The following TEKT1 variants were observed in gnomAD, a reference collection of about 807,000 sequenced individuals.
TEKT1 encodes tektin 1.
In TEKT1, 32 loss-of-function variants were observed where a neutral mutation model predicts 34.8. The observed-to-expected ratio is 0.92, with a 90% CI of 0.69 to 1.23. TEKT1 has a LOEUF of 1.23. TEKT1 is among the 50% of genes most tolerant of loss of function. The pLI, the probability that TEKT1 is intolerant of heterozygous loss-of-function variation, is 0.00. For synonymous variants in TEKT1, 207 were observed against 199.8 expected (o/e 1.04, Z -0.30); for missense variants, 492 against 518.5 (o/e 0.95, Z 0.50).
At chr17:6,821,261 G>A (rs191858445) in intron 2 of TEKT1, among the ~76,000 whole-genome samples, 1 of 152,286 alleles carries the variant, frequency 6.6e-6, no homozygotes, top group Non-Finnish European at 1.5e-5. Context: ...GAAGGACTTG[G>A]TGGGAGATAA....
At chr17:6,823,634 G>A (rs1331025470) in intron 2 of TEKT1, among the ~76,000 whole-genome samples, 1 of 152,000 alleles carries the variant, frequency 6.6e-6, no homozygotes, top group African/African-American at 2.4e-5. Flanking sequence ...TTGACACCTT[G>A]TAACTGATTT....
chr17:6,809,676 C>CAGCAATTGCATATTT, intron 6 of TEKT1, among the ~76,000 whole-genome samples: 1 of 152,160 alleles, frequency 6.6e-6, no homozygotes, highest in Admixed American at 6.5e-5. Flanking sequence ...CCCTGACAAC[C>CAGCAATTGCATATTT]GCTGATCTTT....
At chr17:6,822,478 A>G (rs1402267863) in intron 2 of TEKT1, among the ~76,000 whole-genome samples, 2 of 152,048 alleles carry the variant, frequency 1.3e-5, no homozygotes, top group African/African-American at 2.4e-5. Context: ...TTAGTTATTG[A>G]GCCTCCCAGA....
chr17:6,800,650 G>T, intron 7 of TEKT1, 97 bp downstream of exon 7: 1 of 1,398,516 alleles, frequency 7.2e-7, no homozygotes. Context: ...AGAGCAGGCT[G>T]GCTTCATTCA....
chr17:6,826,931 G>A (rs976153909), intron 2 of TEKT1, among the ~76,000 whole-genome samples: 2 of 152,050 alleles, frequency 1.3e-5, no homozygotes, highest in East Asian at 1.9e-4. Flanking sequence ...TCCTGACCTC[G>A]TGATCTGCCC....
In TEKT1 at chr17:6,811,264, T is replaced by C. The variant is rs1466666425; in HGVS notation, c.852+1567A>G. Among the ~76,000 whole-genome samples the C allele has an allele frequency of 6.6e-6, 1 of 152,054 alleles. No homozygotes were observed. The highest frequency in any genetic ancestry group is 6.6e-5 in the Admixed American group (1 of 15,240). The stretch of plus-strand genomic sequence containing the variant: ...CATCATCATCAATCAACTATTTTTA[T>C]TATTTATATGTATGATATTATATGT... On this transcript the variant is annotated intron_variant, in intron 6 of 7. Transcript: ENST00000338694. The surrounding 1 kb of genome is among the most constrained non-coding windows in gnomAD (Gnocchi z 4.4).
intron 3 of TEKT1, among the ~76,000 whole-genome samples, chr17:6,818,597 C>T (rs1018562592): frequency 6.6e-6 from 1 of 152,150 alleles, no homozygotes; most frequent in South Asian, 2.1e-4. Flanking sequence ...TTTGGCTGAG[C>T]ACCTGGCTGC....
intron 2 of TEKT1, among the ~76,000 whole-genome samples, chr17:6,829,736 T>C (rs1293467038): frequency 1.3e-5 from 2 of 152,166 alleles, no homozygotes; most frequent in Admixed American, 1.3e-4. Context: ...ATTGTTTTTA[T>C]TTGTATTCTT....
At chr17:6,824,922 T>C (rs915582776) in intron 2 of TEKT1, among the ~76,000 whole-genome samples, 4 of 152,134 alleles carry the variant, frequency 2.6e-5, no homozygotes, top group African/African-American at 9.7e-5. Flanking sequence ...CCCAAAGAGT[T>C]CTCATGAGAA....
intron 2 of TEKT1, among the ~76,000 whole-genome samples, chr17:6,824,206 G>C (rs1286390678): frequency 6.6e-6 from 1 of 152,002 alleles, no homozygotes; most frequent in African/African-American, 2.4e-5. Flanking sequence ...TCTTCTCTTG[G>C]TCCTCTTCAA....
chr17:6,814,914 G>A, intron 5 of TEKT1: 1 of 431,398 alleles, frequency 2.3e-6, no homozygotes, highest in Non-Finnish European at 4.1e-6. Flanking sequence ...AACATGTATA[G>A]ATGAAGGAAT....
At chr17:6,815,337 C>T in intron 4 of TEKT1, 31 bp from the exon 5 acceptor site, 1 of 1,614,142 alleles carries the variant, frequency 6.2e-7, no homozygotes, top group Non-Finnish European at 8.5e-7. Flanking sequence ...GGGTTTCTGC[C>T]TCTGGAGTGC....
At chr17:6,806,437 T>A (rs1000279394) in intron 6 of TEKT1, among the ~76,000 whole-genome samples, 1 of 152,194 alleles carries the variant, frequency 6.6e-6, no homozygotes, top group African/African-American at 2.4e-5. Flanking sequence ...CCAGTCTGAG[T>A]CTTTTAATTG....
At chr17:6,825,105 C>A (rs1193783350) in intron 2 of TEKT1, among the ~76,000 whole-genome samples, 2 of 151,970 alleles carry the variant, frequency 1.3e-5, no homozygotes, top group South Asian at 2.1e-4. Context: ...AAGAAGCATC[C>A]ATAATAGAGA....
chr17:6,809,252 T>C (rs1032280359), intron 6 of TEKT1, among the ~76,000 whole-genome samples: 29 of 152,152 alleles, frequency 1.9e-4, no homozygotes, highest in African/African-American at 5.5e-4. Flanking sequence ...TTTTGTTTTT[T>C]ATGGAGTCTT....
intron 6 of TEKT1, among the ~76,000 whole-genome samples, chr17:6,805,728 A>G (rs1310918707): frequency 6.6e-6 from 1 of 152,192 alleles, no homozygotes; most frequent in African/African-American, 2.4e-5. Context: ...TTATGTACCC[A>G]GTAGTCATTC....
rs1052516595 is a variant in TEKT1 at position 6,803,065 on chromosome 17, A to G, written c.853-2122T>C. 3.3e-5 allele frequency among the ~76,000 whole-genome samples: 5 copies of G among 152,226 alleles called. No homozygotes were observed. The East Asian group carries it at 9.7e-4, about 29-fold the overall frequency. Reference sequence around the variant, plus strand: ...TTCCACAATGGTTGAACTAGTTTACAGTCCCACCAACAGTGTAAAAGTGTT... The same window carrying G: ...TTCCACAATGGTTGAACTAGTTTACGGTCCCACCAACAGTGTAAAAGTGTT... On this transcript the variant is annotated intron_variant, in intron 6 of 7. Coordinates refer to ENST00000338694, the MANE Select transcript of TEKT1 (RefSeq NM_053285.2).
chr17:6,818,271 G>T (rs12103632), intron 3 of TEKT1, among the ~76,000 whole-genome samples: 2 of 152,032 alleles, frequency 1.3e-5, no homozygotes, highest in African/African-American at 4.8e-5. Context: ...ATTTGGAAAA[G>T]TTCACTCAAC....
chr17:6,831,089 A>T (rs1407544576), intron 1 of TEKT1, among the ~76,000 whole-genome samples: 1 of 152,086 alleles, frequency 6.6e-6, no homozygotes, highest in Non-Finnish European at 1.5e-5. Flanking sequence ...CTGGGTATTG[A>T]ACTTGTTCAA....
Sources: allele counts gnomAD v4.1 joint callset (sites outside exome capture counted in the v4.1 genomes callset), GRCh38; gene constraint gnomAD v4.1.1; non-coding constraint Gnocchi (gnomAD v3.1); transcripts MANE v1.5; gene names NCBI Gene and HGNC (gene_info 2026-07-23, HGNC 2026-07-21).